The following CSTPP1 variants were observed in gnomAD, a reference collection of about 807,000 sequenced individuals.
CSTPP1 encodes the protein UPF0705 protein C11orf49.
the CSTPP1 span, among the ~76,000 whole-genome samples, chr11:47,144,977 G>GA: frequency 8.3e-6 from 1 of 121,196 alleles, no homozygotes; most frequent in Non-Finnish European, 1.6e-5. Context: ...AGTATTGCCT[G>GA]CCATTTTTTT....
chr11:47,124,427 CT>C, the CSTPP1 span, among the ~76,000 whole-genome samples: 1 of 151,994 alleles, frequency 6.6e-6, no homozygotes, highest in East Asian at 1.9e-4. Context: ...AATGGTCTTA[CT>C]TTTAAAAAAT....
chr11:47,129,155 T>C, the CSTPP1 span, among the ~76,000 whole-genome samples: 2 of 152,182 alleles, frequency 1.3e-5, no homozygotes, highest in Admixed American at 6.5e-5. Flanking sequence ...AATTATAACT[T>C]GGCCCTGAGT....
chr11:47,025,748 A>C, the CSTPP1 span, among the ~76,000 whole-genome samples: 2 of 152,222 alleles, frequency 1.3e-5, no homozygotes, highest in African/African-American at 2.4e-5. Context: ...GAACAAAAAG[A>C]CAACAAAAAA....
At chr11:47,155,143 T>A in the CSTPP1 span, 3 of 1,304,622 alleles carry the variant, frequency 2.3e-6, no homozygotes, top group Non-Finnish European at 3.2e-6. Flanking sequence ...CTCTCCCCCA[T>A]TCTCTCTCTC....
the CSTPP1 span, among the ~76,000 whole-genome samples, chr11:47,062,605 A>G: frequency 6.6e-6 from 1 of 152,204 alleles, no homozygotes; most frequent in African/African-American, 2.4e-5. Context: ...ATTCCAAAAT[A>G]AGGATTTGAA....
At chr11:47,148,614 C>T in the CSTPP1 span, among the ~76,000 whole-genome samples, 46 of 152,332 alleles carry the variant, frequency 3.0e-4, no homozygotes, top group African/African-American at 1.0e-3. Context: ...GCTGGCAGCA[C>T]GCATTTCCTC....
At chr11:47,117,877 C>CTT in the CSTPP1 span, among the ~76,000 whole-genome samples, 20 of 66,328 alleles carry the variant, frequency 3.0e-4, no homozygotes, top group Middle Eastern at 0.01. Flanking sequence ...TATTTCTTTT[C>CTT]TTTTTTTTTT....
At chr11:47,049,369 G>A in the CSTPP1 span, among the ~76,000 whole-genome samples, 1 of 152,116 alleles carries the variant, frequency 6.6e-6, no homozygotes, top group South Asian at 2.1e-4. Flanking sequence ...AGGCGCGGTG[G>A]CTCATGCCAG....
chr11:46,949,835 C>A, the CSTPP1 span, among the ~76,000 whole-genome samples: 3 of 152,002 alleles, frequency 2.0e-5, no homozygotes, highest in African/African-American at 7.3e-5. Flanking sequence ...CCATGCCTGG[C>A]TAATTTTTGT....
the CSTPP1 span, among the ~76,000 whole-genome samples, chr11:47,146,365 C>CAAAAAAAAAAAAAAAAAAAAAAAAAAA: frequency 1.4e-5 from 1 of 73,834 alleles, no homozygotes; most frequent in Non-Finnish European, 2.8e-5. Flanking sequence ...AACTCTGTCT[C>CAAAAAAAAAAAAAAAAAAAAAAAAAAA]AAAAAAAAAA....
the CSTPP1 span, among the ~76,000 whole-genome samples, chr11:46,985,138 A>G: frequency 8.6e-5 from 13 of 151,986 alleles, no homozygotes; most frequent in African/African-American, 3.1e-4. Flanking sequence ...TATAGTTGTT[A>G]GTTTTGGGAA....
chr11:47,054,787 A>G, the CSTPP1 span, among the ~76,000 whole-genome samples: 1 of 152,212 alleles, frequency 6.6e-6, no homozygotes, highest in Admixed American at 6.5e-5. Flanking sequence ...ACTTTCAGAG[A>G]TAGAATCCAT....
chr11:46,965,472 G>A, the CSTPP1 span, among the ~76,000 whole-genome samples: 6 of 152,132 alleles, frequency 3.9e-5, no homozygotes, highest in Admixed American at 2.0e-4. Flanking sequence ...TGATCTGCCC[G>A]CCTGGGCCTC....
chr11:46,988,390 A>G, the CSTPP1 span, among the ~76,000 whole-genome samples: 1 of 152,226 alleles, frequency 6.6e-6, no homozygotes, highest in African/African-American at 2.4e-5. Context: ...CTAAGAAAGA[A>G]TGAGATCCTG....
chr11:47,143,533 T>C, the CSTPP1 span, among the ~76,000 whole-genome samples: 2 of 152,234 alleles, frequency 1.3e-5, no homozygotes, highest in African/African-American at 4.8e-5. Flanking sequence ...ACAAGCATCA[T>C]GGCCAGGCCC....
the CSTPP1 span, among the ~76,000 whole-genome samples, chr11:46,969,773 G>GT: frequency 1.3e-5 from 2 of 151,072 alleles, no homozygotes; most frequent in Non-Finnish European, 3.0e-5. Flanking sequence ...CAAACATAAT[G>GT]TTTTTTTTTG....
At chr11:47,075,531 A>G in the CSTPP1 span, among the ~76,000 whole-genome samples, 1 of 152,222 alleles carries the variant, frequency 6.6e-6, no homozygotes, top group Non-Finnish European at 1.5e-5. Context: ...GATTTGGTAA[A>G]GAAAACTGAT....
chr11:46,997,868 G>A, the CSTPP1 span, among the ~76,000 whole-genome samples: 1 of 152,290 alleles, frequency 6.6e-6, no homozygotes, highest in South Asian at 2.1e-4. Context: ...GGAGGCTGCA[G>A]AACCGCAAAT....
At chr11:47,122,091 A>AAAAAAATATAT in the CSTPP1 span, among the ~76,000 whole-genome samples, 92 of 31,784 alleles carry the variant, frequency 2.9e-3, no homozygotes, top group Non-Finnish European at 4.0e-3. Context: ...AAAAAAAAAA[A>AAAAAAATATAT]ATATATATAT....
Sources: allele counts gnomAD v4.1 joint callset (sites outside exome capture counted in the v4.1 genomes callset), GRCh38; gene constraint gnomAD v4.1.1; transcripts MANE v1.5; gene names NCBI Gene and HGNC (gene_info 2026-07-23, HGNC 2026-07-21).